The following ZFYVE28 variants were observed in gnomAD, a reference collection of about 807,000 sequenced individuals.
ZFYVE28 encodes the protein zinc finger FYVE-type containing 28.
ZFYVE28 carries 40 observed loss-of-function variants against 82.1 expected under a neutral mutation model. That is an observed-to-expected ratio of 0.49 (90% confidence interval 0.38 to 0.63). The LOEUF is 0.63. Ranked by LOEUF, ZFYVE28 falls within the 30% of genes least tolerant of loss-of-function variation. The pLI, the probability that ZFYVE28 is intolerant of heterozygous loss-of-function variation, is 0.00. For synonymous variants in ZFYVE28, 612 were observed against 546.1 expected (o/e 1.12, Z -1.68); for missense variants, 1,321 against 1,242.1 (o/e 1.06, Z -0.96).
At chr4:2,288,503 AG>A (rs1380163765) in intron 8 of ZFYVE28, among the ~76,000 whole-genome samples, 4 of 152,148 alleles carry the variant, frequency 2.6e-5, no homozygotes, top group Non-Finnish European at 5.9e-5. Context: ...GAGACCCCCG[AG>A]GGGACCTGGG....
In ZFYVE28 at chr4:2,305,415, C is replaced by A; in HGVS notation, c.925G>T (p.Ala309Ser). ...DVQGPAALAP[A>S]LSAPLPPEGP... The stretch of plus-strand genomic sequence containing the variant: ...TCAGGGGGGAGAGGGGCAGAGAGGG[C>A]AGGCGCCAGGGCAGCGGGTCCCTGC... Residue 309 changes from alanine (A) to serine (S), a missense_variant, in exon 8 of 13, where the codon GCC becomes TCC. Transcript: ENST00000290974. 1.2e-6 allele frequency: 2 copies of A among 1,612,688 alleles called. No homozygotes were observed. Among genetic ancestry groups the A allele is most frequent in the Non-Finnish European group, 1.7e-6 (2 of 1,179,888 alleles).
intron 1 of ZFYVE28, among the ~76,000 whole-genome samples, chr4:2,366,874 C>A (rs1726950083): frequency 6.6e-6 from 1 of 152,252 alleles, no homozygotes; most frequent in South Asian, 2.1e-4. Flanking sequence ...CGGCGCCACG[C>A]AAACCCCAGG....
At chr4:2,342,642 A>T (rs906661997) in intron 2 of ZFYVE28, 1 of 152,236 alleles carries the variant, frequency 6.6e-6, no homozygotes, top group African/African-American at 2.4e-5. Context: ...GAGTGTTTTG[A>T]ACACTTTGTG....
At chr4:2,368,584 T>C (rs545547731) in intron 1 of ZFYVE28, among the ~76,000 whole-genome samples, 2 of 152,342 alleles carry the variant, frequency 1.3e-5, no homozygotes, top group African/African-American at 4.8e-5. Context: ...CATAGAATCA[T>C]ACGAAATGGG....
At chr4:2,396,329 G>C (rs1292557796) in intron 1 of ZFYVE28, among the ~76,000 whole-genome samples, 2 of 8,130 alleles carry the variant, frequency 2.5e-4, no homozygotes, top group African/African-American at 9.7e-4. Flanking sequence ...GACACAAGGT[G>C]GGGGTGTCTG....
At position 2,341,705 on chromosome 4, in the gene ZFYVE28, A is replaced by T. The variant is rs775161650; in HGVS notation, c.181-90T>A. On this transcript the variant is annotated intron_variant, in intron 2 of 12. Coordinates refer to ENST00000290974, the MANE Select transcript of ZFYVE28 (RefSeq NM_020972.3). The surrounding 1 kb of genome is among the most constrained non-coding windows in gnomAD (Gnocchi z 4.5). ...CTGGAAAACACGCACGGTGCATGTG[A>T]CTGTTTTTTAGGATTATTAAAGTGA... The T allele has an allele frequency of 1.0e-4, 154 of 1,518,406 alleles. No homozygotes were observed. The highest frequency in any genetic ancestry group is 1.3e-4 in the Non-Finnish European group (142 of 1,117,144). The allele number at this position is 1,518,406 out of a possible 1,614,324, so 94.1% of individuals were successfully genotyped here. A position where few individuals can be genotyped will look rare whatever the true frequency, so the allele number is the denominator to read the frequency against.
At position 2,274,135 on chromosome 4, in the gene ZFYVE28, G is replaced by A. The variant is rs375392049; in HGVS notation, c.2133C>T (p.Ala711=). The part of the protein sequence containing the change: ...APAATHAAPQ[A]TREKIRSRFH... The stretch of plus-strand genomic sequence containing the variant: ...ACCTGGACCGGATCTTCTCTCTTGT[G>A]GCCTGTGGGGCAGCATGCGTGGCTG... Residue 711 remains alanine (A), a synonymous_variant, in exon 9 of 13, where the codon GCC becomes GCT. Coordinates refer to ENST00000290974, the MANE Select transcript of ZFYVE28 (RefSeq NM_020972.3). 269 of 1,613,500 alleles carry A rather than the reference G, an allele frequency of 1.7e-4. No individual in the cohort carries two copies. The highest frequency in any genetic ancestry group is 2.1e-4 in the Non-Finnish European group (253 of 1,179,682).
rs1732117181 is a variant in ZFYVE28, at chr4:2,408,094, G to A, written c.39+10191C>T. Among the ~76,000 whole-genome samples the A allele has an allele frequency of 6.6e-6, 1 of 152,104 alleles. No individual in the cohort carries two copies. The highest frequency in any genetic ancestry group is 6.5e-5 in the Admixed American group (1 of 15,278). On this transcript the variant is annotated intron_variant, in intron 1 of 12. Transcript: ENST00000290974. This position sits in a 1 kb window ranked among gnomAD's most constrained non-coding sequence, Gnocchi z 4.3. ...TGACCCTGTGCTGAAGTGGCCTATGGGGCTTTCCTGGCCCCCTGGCCTCCA... is the reference window on the plus strand; with the variant it reads ...TGACCCTGTGCTGAAGTGGCCTATGAGGCTTTCCTGGCCCCCTGGCCTCCA...
chr4:2,363,041 C>T (rs1368796978), intron 1 of ZFYVE28, among the ~76,000 whole-genome samples: 1 of 152,184 alleles, frequency 6.6e-6, no homozygotes, highest in Non-Finnish European at 1.5e-5. Flanking sequence ...GTCCCCAGCA[C>T]AGCCTGACCA....
chr4:2,352,331 G>T (rs747085799), intron 2 of ZFYVE28, among the ~76,000 whole-genome samples: 8 of 152,056 alleles, frequency 5.3e-5, no homozygotes, highest in Non-Finnish European at 1.0e-4. Context: ...GCCATGTCGG[G>T]GGGTGGACAG....
intron 1 of ZFYVE28, among the ~76,000 whole-genome samples, chr4:2,356,348 C>A (rs1725313504): frequency 6.6e-6 from 1 of 152,104 alleles, no homozygotes; most frequent in Admixed American, 6.5e-5. Context: ...AACCACTCTG[C>A]TAGGAGCCGA....
chr4:2,274,069 G>A lies in ZFYVE28; in HGVS notation c.2199C>T (p.Cys733=), dbSNP rs751313378. ...CAGGCCCTGACATGACACCTGAAATGCAGACGAACAGGCGGTGGATGAGGT... is the reference window on the plus strand; with the variant it reads ...CAGGCCCTGACATGACACCTGAAATACAGACGAACAGGCGGTGGATGAGGT... The part of the protein sequence containing the change: ...SHDLIHRLFV[C]ISGVADQLQT... Residue 733 remains cysteine, a synonymous_variant, in exon 9 of 13, where the codon TGC becomes TGT. Coordinates refer to ENST00000290974, the MANE Select transcript of ZFYVE28 (RefSeq NM_020972.3). 5 of 1,614,064 alleles carry A rather than the reference G, an allele frequency of 3.1e-6. No homozygotes were observed. The South Asian group carries it at 4.4e-5, about 14-fold the overall frequency.
intron 8 of ZFYVE28, among the ~76,000 whole-genome samples, chr4:2,302,588 C>A (rs976019626): frequency 6.6e-6 from 1 of 152,244 alleles, no homozygotes; most frequent in African/African-American, 2.4e-5. Flanking sequence ...AAATGCCACA[C>A]ACAGAGTGAC....
intron 7 of ZFYVE28, among the ~76,000 whole-genome samples, chr4:2,317,600 G>A (rs149691007): frequency 1.5e-3 from 221 of 152,118 alleles, no homozygotes; most frequent in African/African-American, 5.0e-3. Flanking sequence ...TCTGGCAAAC[G>A]TCTCTAGCAG....
intron 1 of ZFYVE28, among the ~76,000 whole-genome samples, chr4:2,391,014 T>C (rs1349898412): frequency 6.6e-6 from 1 of 152,178 alleles, no homozygotes; most frequent in Non-Finnish European, 1.5e-5. Flanking sequence ...GCAGCTGCTG[T>C]GGGGCAGGGA....
At chr4:2,324,168 G>A (rs549945824) in intron 6 of ZFYVE28, among the ~76,000 whole-genome samples, 10 of 152,250 alleles carry the variant, frequency 6.6e-5, no homozygotes, top group South Asian at 2.1e-4. Flanking sequence ...CTGGGAACCC[G>A]GAGAAGAGTT....
rs116535710 is a variant in ZFYVE28 at position 2,304,771 on chromosome 4, C to T, written c.1569G>A (p.Ser523=). 1.2e-3 allele frequency: 1,952 copies of T among 1,612,658 alleles called. 11 individuals carry two copies. In the African/African-American group the frequency reaches 0.019, roughly 16 times the overall value. ...CGACCGCAGAGTCCAGGGAAGTGGGCGATTTGGGGTTGAAGATGACCGTGG... is the reference window on the plus strand; with the variant it reads ...CGACCGCAGAGTCCAGGGAAGTGGGTGATTTGGGGTTGAAGATGACCGTGG... ...LSATVIFNPK[S]PTSLDSAVAT... is the part of the protein sequence containing the mutation. The change falls in exon 8 of 13, where the codon TCG becomes TCA. Residue 523 remains serine (S), a synonymous_variant. Transcript: ENST00000290974.
At chr4:2,353,055 T>C (rs1204934764) in intron 2 of ZFYVE28, among the ~76,000 whole-genome samples, 1 of 152,176 alleles carries the variant, frequency 6.6e-6, no homozygotes, top group Non-Finnish European at 1.5e-5. Context: ...GGCCAGAACA[T>C]CTGTGGGAAC....
In ZFYVE28 at chr4:2,387,304, T is replaced by C. The variant is rs569347492; in HGVS notation, c.39+30981A>G. Reference sequence around the variant, plus strand: ...GGGCCACCTCTGCACCTCAGTCTCATTGGGAAGGGAAACTGAGCTTCACGG... The same window carrying C: ...GGGCCACCTCTGCACCTCAGTCTCACTGGGAAGGGAAACTGAGCTTCACGG... On this transcript the variant is annotated intron_variant, in intron 1 of 12. Coordinates refer to ENST00000290974, the MANE Select transcript of ZFYVE28 (RefSeq NM_020972.3). Among the ~76,000 whole-genome samples the C allele has an allele frequency of 1.5e-3, 227 of 152,164 alleles. 3 individuals are homozygous for C. Among genetic ancestry groups the C allele is most frequent in the Non-Finnish European group, 1.1e-3 (74 of 68,014 alleles).
Sources: allele counts gnomAD v4.1 joint callset (sites outside exome capture counted in the v4.1 genomes callset), GRCh38; gene constraint gnomAD v4.1.1; non-coding constraint Gnocchi (gnomAD v3.1); transcripts MANE v1.5; gene names NCBI Gene and HGNC (gene_info 2026-07-23, HGNC 2026-07-21).